The following ZNF384 variants were observed in gnomAD, a reference collection of about 807,000 sequenced individuals.
The protein encoded by ZNF384 is CAG repeat protein 1.
A neutral mutation model predicts 65.0 loss-of-function variants in ZNF384; 20 were observed. The observed-to-expected ratio is 0.31, with a 90% CI of 0.22 to 0.45. The LOEUF (loss-of-function observed/expected upper bound fraction) is 0.45. ZNF384 is among the 20% of genes least tolerant of loss of function. The pLI is 1.00. For missense variants in ZNF384, 549 were observed against 769.4 expected, an observed-to-expected ratio of 0.71 and a Z score of 3.39; for synonymous variants, 310 against 303.9, an observed-to-expected ratio of 1.02 and a Z score of -0.21.
rs771237731 is a variant in ZNF384, at chr12:6,667,620, G to C, written c.*94C>G. ...GCCCAAGGAGATGGAGCCAAGGCCT[G>C]TCAAGGAAGAAAAGGACTTTTCCCA... On this transcript the variant is annotated 3_prime_UTR_variant, in exon 12 of 12. Coordinates refer to ENST00000683879, the MANE Select transcript of ZNF384 (RefSeq NM_001385745.1). 6.4e-7 allele frequency: 1 copy of C among 1,552,508 alleles called. No homozygotes were observed. The highest frequency in any genetic ancestry group is 2.2e-5 in the East Asian group (1 of 44,612).
At chr12:6,674,188 C>G (rs556747132) in intron 7 of ZNF384, among the ~76,000 whole-genome samples, 2 of 152,336 alleles carry the variant, frequency 1.3e-5, no homozygotes, top group Admixed American at 6.5e-5. Context: ...CTATCTTCCA[C>G]GCTAAACCTT....
chr12:6,670,765 G>T lies in ZNF384; in HGVS notation c.1261C>A (p.Leu421Met). 6.2e-7 allele frequency: 1 copy of T among 1,614,088 alleles called. No individual in the cohort carries two copies. Among genetic ancestry groups the T allele is most frequent in the Non-Finnish European group, 8.5e-7 (1 of 1,179,942 alleles). The change falls in exon 10 of 12, where the codon CTG (leucine) becomes ATG (methionine). Residue 421 changes from leucine (L) to methionine (M), a missense_variant. Leu to Met is a conservative substitution (Grantham distance 15). Around this residue, in one of 5 missense-constraint regions of ZNF384, gnomAD observed 38 missense variants for 99.7 expected, o/e 0.38. Transcript: ENST00000683879. ...CEKAFTQLSNLQSHRRQHNKD... is the reference protein window; with the variant it reads ...CEKAFTQLSNMQSHRRQHNKD... ...GTGGAGGGTGGAACATTTACCTGCA[G>T]ATTGGAGAGTTGTGTGAAGGCTTTC...
chr12:6,669,592 C>T (rs1950722450), intron 10 of ZNF384, among the ~76,000 whole-genome samples: 1 of 151,910 alleles, frequency 6.6e-6, no homozygotes, highest in Admixed American at 6.6e-5. Flanking sequence ...CTCCGCTTCC[C>T]GGGTTCAAGC....
At chr12:6,680,156 G>A (rs574641227) in intron 2 of ZNF384, among the ~76,000 whole-genome samples, 27 of 152,074 alleles carry the variant, frequency 1.8e-4, no homozygotes, top group Admixed American at 7.9e-4. Flanking sequence ...GTAGAGACAC[G>A]GTTTTTCCAT....
chr12:6,674,029 T>A (rs191818665), intron 7 of ZNF384, among the ~76,000 whole-genome samples: 41 of 152,318 alleles, frequency 2.7e-4, no homozygotes, highest in African/African-American at 9.6e-4. Context: ...CTCTCCACCC[T>A]CTTATCTGAT....
chr12:6,669,477 G>A (rs951444866), intron 10 of ZNF384, among the ~76,000 whole-genome samples: 15 of 151,934 alleles, frequency 9.9e-5, no homozygotes, highest in African/African-American at 3.6e-4. Context: ...ACCTTCACAG[G>A]GGGCCCACAG....
At chr12:6,682,554 A>C (rs1348687623) in intron 2 of ZNF384, among the ~76,000 whole-genome samples, 2 of 152,114 alleles carry the variant, frequency 1.3e-5, no homozygotes, top group Non-Finnish European at 2.9e-5. Context: ...AGGCTAAGGC[A>C]GGAGAATCAT....
chr12:6,672,518 A>G lies in ZNF384; in HGVS notation c.1019T>C (p.Met340Thr). Reference sequence around the variant, plus strand: ...GTGGGGCTTGATGGTCTCCGTGTGCATCTTGGAGTGGATCCTGCCGGAGAG... The same window carrying G: ...GTGGGGCTTGATGGTCTCCGTGTGCGTCTTGGAGTGGATCCTGCCGGAGAG... ...LQQHTRIHSK[M>T]HTETIKPHKC... Residue 340 changes from methionine to threonine, a missense_variant, in exon 9 of 12, where the codon ATG becomes ACG. This residue lies in a region of ZNF384 where 59 missense variants were observed against 63.6 expected (regional missense o/e 0.93). Coordinates refer to ENST00000683879, the MANE Select transcript of ZNF384 (RefSeq NM_001385745.1). This position sits in a 1 kb window ranked among gnomAD's most constrained non-coding sequence, Gnocchi z 4.4. 1.9e-6 allele frequency: 3 copies of G among 1,613,834 alleles called. No homozygotes were observed. Among genetic ancestry groups the G allele is most frequent in the Non-Finnish European group, 2.5e-6 (3 of 1,179,846 alleles).
At chr12:6,679,613 T>A (rs1955131430) in intron 2 of ZNF384, 88 bp from the exon 3 acceptor site, 3 of 1,017,264 alleles carry the variant, frequency 2.9e-6, no homozygotes, top group Non-Finnish European at 4.5e-6. Context: ...GAGTTCCTGG[T>A]CTCCTCTGGC....
At chr12:6,685,676 G>C (rs1957631967) in intron 2 of ZNF384, among the ~76,000 whole-genome samples, 1 of 149,458 alleles carries the variant, frequency 6.7e-6, no homozygotes, top group Non-Finnish European at 1.5e-5. Context: ...AGGAGGCTGA[G>C]ACAGGGAATT....
intron 2 of ZNF384, among the ~76,000 whole-genome samples, chr12:6,682,330 CAAAACAA>C: frequency 1.2e-5 from 1 of 86,538 alleles, no homozygotes; most frequent in Non-Finnish European, 2.4e-5. Context: ...CAAAACAAAA[CAAAACAA>C]AACAAAACAA....
intron 2 of ZNF384, among the ~76,000 whole-genome samples, chr12:6,679,780 G>C (rs1347812756): frequency 6.6e-6 from 1 of 152,138 alleles, no homozygotes; most frequent in East Asian, 1.9e-4. Flanking sequence ...CTCACACAAT[G>C]TTATTCATGC....
intron 7 of ZNF384, among the ~76,000 whole-genome samples, chr12:6,676,916 G>A (rs1953842756): frequency 6.6e-6 from 1 of 152,106 alleles, no homozygotes; most frequent in African/African-American, 2.4e-5. Flanking sequence ...GCTCAATTCT[G>A]CATAGCAACA....
intron 2 of ZNF384, among the ~76,000 whole-genome samples, chr12:6,681,435 G>C (rs1210612694): frequency 6.6e-6 from 1 of 152,090 alleles, no homozygotes; most frequent in Non-Finnish European, 1.5e-5. Context: ...AAATAAGAGA[G>C]TGTGAGACTG....
At chr12:6,671,092 A>G (rs1951317144) in intron 9 of ZNF384, among the ~76,000 whole-genome samples, 1 of 152,226 alleles carries the variant, frequency 6.6e-6, no homozygotes, top group Admixed American at 6.5e-5. Flanking sequence ...CACCCAAGGA[A>G]CAGGCAGCCC....
rs551677880 is a variant in ZNF384, at chr12:6,678,140, C to T, written c.673G>A (p.Gly225Ser). ...TCTGAGTCTTACCTGTAGGTCTTGCCGTCTTTCTGATGGTCATCATCATCC... is the reference window on the plus strand; with the variant it reads ...TCTGAGTCTTACCTGTAGGTCTTGCTGTCTTTCTGATGGTCATCATCATCC... ...PEDDDDHQKDGKTYRSEGNCG... is the reference protein window; with the variant it reads ...PEDDDDHQKDSKTYRSEGNCG... The change falls in exon 6 of 12, where the codon GGC becomes AGC. Residue 225 changes from glycine (G) to serine (S), a missense_variant. Coordinates refer to ENST00000683879, the MANE Select transcript of ZNF384 (RefSeq NM_001385745.1). The surrounding 1 kb of genome is among the most constrained non-coding windows in gnomAD (Gnocchi z 4.9). 39 of 1,611,494 alleles carry T rather than the reference C, an allele frequency of 2.4e-5. No homozygotes were observed. The highest frequency in any genetic ancestry group is 5.5e-5 in the South Asian group (5 of 90,956).
chr12:6,680,047 T>C (rs948487189), intron 2 of ZNF384, among the ~76,000 whole-genome samples: 3 of 152,238 alleles, frequency 2.0e-5, no homozygotes, highest in Admixed American at 6.5e-5. Context: ...GGCACAATCA[T>C]AGCTCACTGC....
chr12:6,687,812 A>G (rs956754679), intron 2 of ZNF384, among the ~76,000 whole-genome samples: 1 of 152,176 alleles, frequency 6.6e-6, no homozygotes, highest in Non-Finnish European at 1.5e-5. Flanking sequence ...AAGCAATTCC[A>G]TAAGGACTAT....
chr12:6,673,150 TA>T lies in ZNF384; in HGVS notation c.1004+65del. 7.1e-7 allele frequency: 1 copy of T among 1,399,294 alleles called. No individual in the cohort carries two copies. The highest frequency in any genetic ancestry group is 1.4e-5 in the African/African-American group (1 of 70,210). 86.7% of individuals were successfully genotyped at this position (1,399,294 alleles called of 1,614,324 possible). A position where few individuals can be genotyped will look rare whatever the true frequency, so the allele number is the denominator to read the frequency against. Reference sequence around the variant, plus strand: ...AGAATAATACATGTGGAGAGAGGAGTAGGTGCAGGCAACATGGTCTTAGGGT... The same window carrying T: ...AGAATAATACATGTGGAGAGAGGAGTGGTGCAGGCAACATGGTCTTAGGGT... On this transcript the variant is annotated intron_variant, in intron 8 of 11. Transcript: ENST00000683879. This position sits in a 1 kb window ranked among gnomAD's most constrained non-coding sequence, Gnocchi z 4.7.
Sources: allele counts gnomAD v4.1 joint callset (sites outside exome capture counted in the v4.1 genomes callset), GRCh38; gene constraint gnomAD v4.1.1; regional missense constraint gnomAD v4.1.1; non-coding constraint Gnocchi (gnomAD v3.1); transcripts MANE v1.5; gene names NCBI Gene and HGNC (gene_info 2026-07-23, HGNC 2026-07-21).